CNIH3: variants seen among roughly 807,000 people sequenced by gnomAD.
CNIH3 encodes protein cornichon homolog 3.
Under a neutral mutation model 24.1 loss-of-function variants are expected in CNIH3, and 14 were observed. The observed-to-expected ratio is 0.58, with a 90% CI of 0.38 to 0.91. The LOEUF is 0.91. Ranked by LOEUF, CNIH3 falls within the 40% of genes least tolerant of loss-of-function variation. CNIH3 has a pLI of 0.00. For missense variants in CNIH3, 178 were observed against 196.8 expected (o/e 0.90, Z 0.57); for synonymous variants, 68 against 73.8 (o/e 0.92, Z 0.40).
At chr1:224,593,275 C>G (rs74146392), downstream of CNIH3, among the ~76,000 whole-genome samples, 7,205 of 151,970 alleles carry the variant, frequency 0.047, 573 homozygotes, top group African/African-American at 0.16. Flanking sequence ...CCAGCTCAGC[C>G]ACCCAAATAG....
intron 3 of CNIH3, among the ~76,000 whole-genome samples, chr1:224,600,699 G>A (rs1281154933): frequency 6.6e-6 from 1 of 152,154 alleles, no homozygotes; most frequent in East Asian, 1.9e-4. Flanking sequence ...TTTTTTATGG[G>A]CTGAACTGTG....
intron 1 of CNIH3, among the ~76,000 whole-genome samples, chr1:224,643,977 G>T (rs778061670): frequency 4.1e-4 from 62 of 152,198 alleles, no homozygotes; most frequent in Non-Finnish European, 7.3e-4. Flanking sequence ...GAAGTTGGGG[G>T]TTGGCAGCAA....
At chr1:224,657,983 T>G (rs1685178010) in intron 1 of CNIH3, among the ~76,000 whole-genome samples, 1 of 152,202 alleles carries the variant, frequency 6.6e-6, no homozygotes, top group Non-Finnish European at 1.5e-5. Context: ...TCACATGATT[T>G]TTGAATATAC....
At chr1:224,557,287 A>G (rs983346412) in intron 3 of CNIH3, among the ~76,000 whole-genome samples, 52 of 151,952 alleles carry the variant, frequency 3.4e-4, no homozygotes, top group African/African-American at 1.2e-3. Context: ...GGCTCAAACA[A>G]TACTCCCACC....
At chr1:224,685,880 A>G (rs555101441) in intron 3 of CNIH3, among the ~76,000 whole-genome samples, 112 of 152,294 alleles carry the variant, frequency 7.4e-4, no homozygotes, top group Non-Finnish European at 1.2e-3. Flanking sequence ...GATAAAGCCT[A>G]TATATGAAAA....
At chr1:224,513,492 G>A (rs1024395864), upstream of CNIH3, among the ~76,000 whole-genome samples, 4 of 151,894 alleles carry the variant, frequency 2.6e-5, no homozygotes, top group Non-Finnish European at 1.5e-5. Flanking sequence ...CTTGTTTCTT[G>A]AGGAAATGAT....
chr1:224,465,111 CTTTT>C (rs547660025), intron 1 of CNIH3, among the ~76,000 whole-genome samples: 2 of 142,804 alleles, frequency 1.4e-5, no homozygotes, highest in South Asian at 4.5e-4. Flanking sequence ...TTAGAATTAT[CTTTT>C]TTTTTTTTTT....
intron 1 of CNIH3, among the ~76,000 whole-genome samples, chr1:224,620,481 T>A (rs550207092): frequency 2.9e-4 from 44 of 152,222 alleles, no homozygotes; most frequent in Non-Finnish European, 5.0e-4. Context: ...AAATGAAATT[T>A]TAGAGTTGGA....
chr1:224,646,718 G>GT (rs1251680666), intron 1 of CNIH3, among the ~76,000 whole-genome samples: 4 of 152,122 alleles, frequency 2.6e-5, no homozygotes, highest in African/African-American at 9.7e-5. Context: ...TTACAAGCAG[G>GT]TTTTTAAAGG....
intron 1 of CNIH3, among the ~76,000 whole-genome samples, chr1:224,675,815 CAA>C (rs1307103532): frequency 6.6e-6 from 1 of 152,108 alleles, no homozygotes; most frequent in Non-Finnish European, 1.5e-5. Context: ...CAAAACTAGG[CAA>C]AAAACCCCCC....
In CNIH3 at chr1:224,659,291, T is replaced by C. The variant is rs536656550; in HGVS notation, c.82-21667T>C. On this transcript the variant is annotated intron_variant, in intron 1 of 5. Coordinates refer to ENST00000272133, the MANE Select transcript of CNIH3 (RefSeq NM_152495.2). ...CAGGAGTCAGTGCCCCGTAACTTAA[T>C]AGCACAAGGACTTTAAAAGCAATAC... is the stretch of plus-strand genomic sequence containing the variant. Among the ~76,000 whole-genome samples the C allele has an allele frequency of 1.1e-4, 16 of 152,336 alleles. No individual in the cohort carries two copies. In the South Asian group the frequency reaches 2.9e-3, roughly 28 times the overall value.
chr1:224,482,203 C>T (rs955815160), intron 1 of CNIH3, among the ~76,000 whole-genome samples: 1 of 152,124 alleles, frequency 6.6e-6, no homozygotes, highest in Non-Finnish European at 1.5e-5. Context: ...GAATCAGGGA[C>T]CCCAAGAGCC....
chr1:224,668,210 C>A (rs1685689695), intron 1 of CNIH3, among the ~76,000 whole-genome samples: 1 of 152,194 alleles, frequency 6.6e-6, no homozygotes, highest in Admixed American at 6.5e-5. Flanking sequence ...CTACAAGCAA[C>A]CGGTCACCTA....
chr1:224,614,731 G>T (rs574584312), upstream of CNIH3, among the ~76,000 whole-genome samples: 40 of 152,052 alleles, frequency 2.6e-4, no homozygotes, highest in Admixed American at 3.9e-4. Flanking sequence ...GGTAGATCAC[G>T]AGGTCAAGAG....
intron 1 of CNIH3, among the ~76,000 whole-genome samples, chr1:224,659,503 T>TAAAATGAGCCA (rs150260412): frequency 0.25 from 37,311 of 151,918 alleles, 4,830 homozygotes; most frequent in East Asian, 0.36. Context: ...CTCATTTAGA[T>TAAAATGAGCCA]AACCTGAAAG....
intron 3 of CNIH3, among the ~76,000 whole-genome samples, chr1:224,599,901 C>T (rs1020170042): frequency 2.6e-5 from 4 of 152,118 alleles, no homozygotes; most frequent in African/African-American, 9.7e-5. Context: ...AATTTCTAAA[C>T]TCTCTTTGCA....
intron 1 of CNIH3, among the ~76,000 whole-genome samples, chr1:224,669,550 C>G (rs1017467968): frequency 3.9e-5 from 6 of 152,158 alleles, no homozygotes; most frequent in African/African-American, 1.4e-4. Flanking sequence ...CCAGCTTTCC[C>G]CTGCAGTGAC....
chr1:224,666,984 C>T (rs1313336520), intron 1 of CNIH3, among the ~76,000 whole-genome samples: 2 of 152,320 alleles, frequency 1.3e-5, no homozygotes, highest in African/African-American at 4.8e-5. Flanking sequence ...GTTGCCCTTT[C>T]CTGACCCCTG....
At chr1:224,589,539 A>T (rs1294932097), downstream of CNIH3, among the ~76,000 whole-genome samples, 1 of 152,176 alleles carries the variant, frequency 6.6e-6, no homozygotes, top group Non-Finnish European at 1.5e-5. Flanking sequence ...TGCTTTTTGC[A>T]TGAATTGTTG....
Sources: allele counts gnomAD v4.1 joint callset (sites outside exome capture counted in the v4.1 genomes callset), GRCh38; gene constraint gnomAD v4.1.1; transcripts MANE v1.5; gene names NCBI Gene and HGNC (gene_info 2026-07-23, HGNC 2026-07-21).